The following ADCY1 variants were observed in gnomAD, a reference collection of about 807,000 sequenced individuals.
ADCY1 encodes adenylate cyclase type 1.
Under a neutral mutation model 105.4 loss-of-function variants are expected in ADCY1, and 28 were observed. The observed-to-expected ratio is 0.27, with a 90% CI of 0.20 to 0.36. ADCY1 has a LOEUF of 0.36. ADCY1 is among the 10% of genes least tolerant of loss of function. ADCY1 has a pLI of 1.00. For synonymous variants in ADCY1, 655 were observed against 623.8 expected (o/e 1.05, Z -0.75); for missense variants, 977 against 1,434.2 (o/e 0.68, Z 5.15).
rs1407668795 is a variant in ADCY1 at position 45,703,199 on chromosome 7, TC to T, written c.2455-174del. 6.6e-6 allele frequency among the ~76,000 whole-genome samples: 1 copy of T among 152,084 alleles called. No individual in the cohort carries two copies. Among genetic ancestry groups the T allele is most frequent in the Non-Finnish European group, 1.5e-5 (1 of 68,012 alleles). ...GACTTAGGCAGACATCTGCAGATCT[TC>T]CCTACCCAGTAACATGGATCTAGTC... On this transcript the variant is annotated intron_variant, in intron 14 of 19. Coordinates refer to ENST00000297323, the MANE Select transcript of ADCY1 (RefSeq NM_021116.4). The surrounding 1 kb of genome is among the most constrained non-coding windows in gnomAD (Gnocchi z 5.9).
In ADCY1 at chr7:45,713,981, G is replaced by A. The variant is rs1785315779; in HGVS notation, c.3346G>A (p.Gly1116Arg). ...PGQYLPSAAA[G>R]KEA ...CCAGTACCTGCCCTCTGCAGCAGCT[G>A]GGAAGGAGGCTTAGTGGAGCCCACG... Residue 1116 changes from glycine to arginine, a missense_variant, in exon 20 of 20, where the codon GGG becomes AGG. By Grantham distance (125) the Gly-to-Arg change is moderately radical (BLOSUM62 -2). This residue lies in a region of ADCY1 where 78 missense variants were observed against 60.0 expected (regional missense o/e 1.30). Transcript: ENST00000297323. 2 of 776,386 alleles carry A rather than the reference G, an allele frequency of 2.6e-6. No homozygotes were observed. Among genetic ancestry groups the A allele is most frequent in the African/African-American group, 3.4e-5 (2 of 59,080 alleles). 48.1% of individuals were successfully genotyped at this position (776,386 alleles called of 1,614,324 possible).
At chr7:45,672,249 A>C (rs1784381447) in intron 8 of ADCY1, among the ~76,000 whole-genome samples, 1 of 152,126 alleles carries the variant, frequency 6.6e-6, no homozygotes, top group Non-Finnish European at 1.5e-5. Context: ...TCAGTTGGCC[A>C]TACTTATGTG....
intron 4 of ADCY1, among the ~76,000 whole-genome samples, chr7:45,625,343 A>G (rs185539067): frequency 5.9e-5 from 9 of 152,344 alleles, no homozygotes; most frequent in African/African-American, 2.2e-4. Flanking sequence ...ACTTTTATCA[A>G]GAAGAATGCA....
intron 1 of ADCY1, among the ~76,000 whole-genome samples, chr7:45,581,264 G>A (rs1792531694): frequency 6.6e-6 from 1 of 152,154 alleles, no homozygotes; most frequent in Admixed American, 6.5e-5. Flanking sequence ...ACTGTTCTGG[G>A]CTCAGTGAAG....
intron 4 of ADCY1, among the ~76,000 whole-genome samples, chr7:45,623,658 G>A (rs1464617896): frequency 6.6e-6 from 1 of 152,200 alleles, no homozygotes; most frequent in African/African-American, 2.4e-5. Flanking sequence ...AAGCTAGAAT[G>A]TGCCCTATTT....
At chr7:45,668,881 T>G (rs1245188992) in intron 8 of ADCY1, among the ~76,000 whole-genome samples, 10 of 152,232 alleles carry the variant, frequency 6.6e-5, no homozygotes, top group African/African-American at 1.9e-4. Flanking sequence ...GTCTAGGAAT[T>G]TATCCATTTC....
intron 5 of ADCY1, among the ~76,000 whole-genome samples, chr7:45,656,142 T>A (rs1025259984): frequency 2.8e-4 from 42 of 147,966 alleles, no homozygotes; most frequent in East Asian, 2.4e-3. Flanking sequence ...AAAAAAAAAA[T>A]AAAAATAAAA....
At chr7:45,698,852 A>G (rs1019155682) in intron 14 of ADCY1, among the ~76,000 whole-genome samples, 14 of 152,170 alleles carry the variant, frequency 9.2e-5, no homozygotes, top group African/African-American at 2.2e-4. Context: ...CCATGGTCCT[A>G]TGGTTTGAGA....
At chr7:45,679,613 G>A in intron 10 of ADCY1, 96 bp from the exon 11 acceptor site, 1 of 1,194,286 alleles carries the variant, frequency 8.4e-7, no homozygotes, top group African/African-American at 1.5e-5. Flanking sequence ...TGAGAGCACA[G>A]GGGATGTGGA....
chr7:45,658,270 G>C (rs529887511), intron 6 of ADCY1, among the ~76,000 whole-genome samples: 1 of 152,312 alleles, frequency 6.6e-6, no homozygotes, highest in African/African-American at 2.4e-5. Context: ...GGAAAGTGCT[G>C]GGACTTTAGA....
Position 45,686,313 on chromosome 7 carries a change from C to T in ADCY1, c.2327+98C>T. The T allele has an allele frequency of 6.7e-7, 1 of 1,502,788 alleles. No homozygotes were observed. The highest frequency in any genetic ancestry group is 8.9e-7 in the Non-Finnish European group (1 of 1,117,724). 93.1% of individuals were successfully genotyped at this position (1,502,788 alleles called of 1,614,324 possible). A position where few individuals can be genotyped will look rare whatever the true frequency, so the allele number is the denominator to read the frequency against. ...ACAGGCTTCTGAGTCCAGAACTAGT[C>T]AAGTTGAATTGTATACACAATTTTT... On this transcript the variant is annotated intron_variant, in intron 13 of 19. Transcript: ENST00000297323. This position sits in a 1 kb window ranked among gnomAD's most constrained non-coding sequence, Gnocchi z 4.3.
chr7:45,689,312 T>C (rs1202404938), intron 14 of ADCY1, among the ~76,000 whole-genome samples: 1 of 152,100 alleles, frequency 6.6e-6, no homozygotes, highest in Non-Finnish European at 1.5e-5. Flanking sequence ...CTTGCACTGC[T>C]ATAAAGGAAT....
Position 45,606,786 on chromosome 7 carries a change from A to G in ADCY1, c.790-3593A>G, listed in dbSNP as rs111978295. Among the ~76,000 whole-genome samples, 483 of 152,334 alleles carry G rather than the reference A, an allele frequency of 3.2e-3. 3 individuals are homozygous for G. Among genetic ancestry groups the G allele is most frequent in the Middle Eastern group, 0.017 (5 of 294 alleles). On this transcript the variant is annotated intron_variant, in intron 2 of 19. Coordinates refer to ENST00000297323, the MANE Select transcript of ADCY1 (RefSeq NM_021116.4). Reference sequence around the variant, plus strand: ...AAGATAAATTCGTTAAGATTTTTATATAGCCTTTATAGGACACTGAGGTAC... The same window carrying G: ...AAGATAAATTCGTTAAGATTTTTATGTAGCCTTTATAGGACACTGAGGTAC...
intron 19 of ADCY1, among the ~76,000 whole-genome samples, chr7:45,712,341 A>G (rs937000654): frequency 1.3e-5 from 2 of 149,944 alleles, no homozygotes; most frequent in Non-Finnish European, 3.0e-5. Context: ...GCCAGGGGAG[A>G]ACTTCATGGG....
chr7:45,681,154 A>G (rs756852515), intron 11 of ADCY1, among the ~76,000 whole-genome samples: 1 of 152,258 alleles, frequency 6.6e-6, no homozygotes, highest in Admixed American at 6.5e-5. Context: ...TCAAATTAAG[A>G]AAACTCTCGG....
intron 2 of ADCY1, among the ~76,000 whole-genome samples, chr7:45,594,237 G>T (rs1481906233): frequency 2.6e-5 from 4 of 152,164 alleles, no homozygotes; most frequent in African/African-American, 9.7e-5. Context: ...TTGATGTGTT[G>T]TCTATGTGTG....
intron 14 of ADCY1, among the ~76,000 whole-genome samples, chr7:45,694,130 A>AC (rs1418181067): frequency 1.8e-4 from 27 of 151,194 alleles, no homozygotes; most frequent in African/African-American, 6.0e-4. Flanking sequence ...AAAAAAAAAA[A>AC]AAAAAAACAC....
At position 45,703,808 on chromosome 7, in the gene ADCY1, G is replaced by T. The variant is rs372327370; in HGVS notation, c.2718+62G>T. 2.9e-5 allele frequency: 44 copies of T among 1,511,660 alleles called. 1 individual carries two copies. The South Asian group carries it at 3.9e-4, about 13-fold the overall frequency. 93.6% of individuals were successfully genotyped at this position (1,511,660 alleles called of 1,614,324 possible). ...TGTGGTGGTGCATCCTGTTGCGTGG[G>T]CAGAGCGTGTCTCACAATATGTCAC... On this transcript the variant is annotated intron_variant, in intron 16 of 19. Transcript: ENST00000297323. This position sits in a 1 kb window ranked among gnomAD's most constrained non-coding sequence, Gnocchi z 5.9.
intron 11 of ADCY1, among the ~76,000 whole-genome samples, chr7:45,681,341 C>G (rs1784551682): frequency 6.6e-6 from 1 of 152,082 alleles, no homozygotes; most frequent in Non-Finnish European, 1.5e-5. Flanking sequence ...TTCTGTATTC[C>G]AGTGTTTTGT....
Sources: allele counts gnomAD v4.1 joint callset (sites outside exome capture counted in the v4.1 genomes callset), GRCh38; gene constraint gnomAD v4.1.1; regional missense constraint gnomAD v4.1.1; non-coding constraint Gnocchi (gnomAD v3.1); transcripts MANE v1.5; gene names NCBI Gene and HGNC (gene_info 2026-07-23, HGNC 2026-07-21).